Variants in CNTN6 observed in about 807,000 individuals in gnomAD.
The protein encoded by CNTN6 is contactin-6.
Under a neutral mutation model 122.8 loss-of-function variants are expected in CNTN6, and 137 were observed. That is an observed-to-expected ratio of 1.12 (90% confidence interval 0.97 to 1.29). The LOEUF (loss-of-function observed/expected upper bound fraction) is 1.29, where lower values mean the gene tolerates loss of function less well. Among genes scored for constraint, CNTN6 ranks in the 50% most tolerant of loss-of-function variants. The pLI is 0.00. For missense variants in CNTN6, 1,634 were observed against 1,223.4 expected (o/e 1.34, Z -5.01); for synonymous variants, 570 against 426.0 (o/e 1.34, Z -4.16).
At chr3:1,304,220 C>T (rs1697938475) in intron 7 of CNTN6, among the ~76,000 whole-genome samples, 1 of 152,138 alleles carries the variant, frequency 6.6e-6, no homozygotes, top group South Asian at 2.1e-4. Context: ...AACCTTACTT[C>T]ATTTATTTCC....
chr3:1,364,333 C>G (rs962236103), intron 12 of CNTN6, among the ~76,000 whole-genome samples: 1 of 151,818 alleles, frequency 6.6e-6, no homozygotes, highest in Non-Finnish European at 1.5e-5. Context: ...GCAACATTTT[C>G]TATAATGTCA....
At chr3:1,234,082 C>T (rs1291636805) in intron 4 of CNTN6, among the ~76,000 whole-genome samples, 1 of 152,164 alleles carries the variant, frequency 6.6e-6, no homozygotes, top group Admixed American at 6.6e-5. Context: ...GTAAGCTATT[C>T]TTAACCATGT....
intron 7 of CNTN6, among the ~76,000 whole-genome samples, chr3:1,318,076 GA>G (rs1458759848): frequency 1.4e-5 from 2 of 146,214 alleles, no homozygotes; most frequent in South Asian, 2.2e-4. Context: ...TGAGAAAGAA[GA>G]AAAAAAGGAA....
chr3:1,184,070 AG>A (rs1352024971), intron 2 of CNTN6, among the ~76,000 whole-genome samples: 1 of 152,206 alleles, frequency 6.6e-6, no homozygotes, highest in Non-Finnish European at 1.5e-5. Context: ...AGTAGGTAGT[AG>A]AGATACTCTC....
At chr3:1,255,363 A>G (rs1185281438) in intron 4 of CNTN6, among the ~76,000 whole-genome samples, 1 of 151,822 alleles carries the variant, frequency 6.6e-6, no homozygotes, top group Non-Finnish European at 1.5e-5. Context: ...AGACGGAAAC[A>G]CCACGTTTAA....
chr3:1,270,667 G>A (rs2095009557), intron 4 of CNTN6, among the ~76,000 whole-genome samples: 1 of 152,160 alleles, frequency 6.6e-6, no homozygotes, highest in South Asian at 2.1e-4. Context: ...TTCTCAAAGG[G>A]GGGAAATAGT....
At chr3:1,373,829 C>G in intron 15 of CNTN6, 67 bp downstream of exon 15, 1 of 1,472,544 alleles carries the variant, frequency 6.8e-7, no homozygotes, top group East Asian at 2.5e-5. Context: ...TTAATAAATG[C>G]AATTACATTT....
chr3:1,387,597 C>T (rs528180493), intron 20 of CNTN6, among the ~76,000 whole-genome samples: 15 of 152,134 alleles, frequency 9.9e-5, no homozygotes, highest in African/African-American at 1.9e-4. Context: ...GGAACAGCTC[C>T]GGTCTACAGC....
At chr3:1,252,716 G>A (rs531312777) in intron 4 of CNTN6, among the ~76,000 whole-genome samples, 2 of 152,210 alleles carry the variant, frequency 1.3e-5, no homozygotes, top group Admixed American at 1.3e-4. Flanking sequence ...TTTTACTGCA[G>A]AGAAATAAGC....
chr3:1,393,546 T>G (rs1034265606), intron 20 of CNTN6, among the ~76,000 whole-genome samples: 20 of 109,772 alleles, frequency 1.8e-4, no homozygotes, highest in African/African-American at 5.7e-4. Flanking sequence ...ACCCTAAAAC[T>G]TAAAGAAGTA....
chr3:1,369,954 A>C (rs560432690), intron 12 of CNTN6, among the ~76,000 whole-genome samples: 3 of 152,010 alleles, frequency 2.0e-5, no homozygotes, highest in African/African-American at 7.2e-5. Context: ...CAATTAAATT[A>C]CAAAACAATA....
intron 5 of CNTN6, among the ~76,000 whole-genome samples, chr3:1,279,898 A>G (rs1301970133): frequency 6.6e-6 from 1 of 152,228 alleles, no homozygotes; most frequent in Non-Finnish European, 1.5e-5. Context: ...ATGGCATTAT[A>G]TTCACCTGAT....
intron 2 of CNTN6, among the ~76,000 whole-genome samples, chr3:1,182,957 G>C (rs1324726766): frequency 1.3e-5 from 2 of 152,074 alleles, no homozygotes; most frequent in Admixed American, 6.6e-5. Context: ...AAAATGTATT[G>C]TCTCAAGTGA....
chr3:1,245,756 C>T (rs908199124), intron 4 of CNTN6, among the ~76,000 whole-genome samples: 1 of 151,638 alleles, frequency 6.6e-6, no homozygotes, highest in African/African-American at 2.4e-5. Context: ...AACAAATAAA[C>T]AGCAAATACA....
chr3:1,400,439 C>T (rs1369897732), intron 20 of CNTN6, among the ~76,000 whole-genome samples: 4 of 151,970 alleles, frequency 2.6e-5, no homozygotes, highest in Non-Finnish European at 4.4e-5. Context: ...CTTTAGAAGC[C>T]AGATTCTAAA....
chr3:1,173,080 C>G (rs2093388192), intron 2 of CNTN6: 1 of 380,430 alleles, frequency 2.6e-6, no homozygotes, highest in Admixed American at 3.2e-5. Flanking sequence ...GCCCATTTAA[C>G]TCACTTGTCT....
intron 4 of CNTN6, among the ~76,000 whole-genome samples, chr3:1,240,490 C>G (rs114061434): frequency 2.0e-5 from 3 of 152,132 alleles, no homozygotes; most frequent in Middle Eastern, 3.4e-3. Context: ...CTCCCTCCTG[C>G]AAGAATTGCC....
At chr3:1,281,336 A>C (rs1342056517) in intron 5 of CNTN6, among the ~76,000 whole-genome samples, 1 of 152,196 alleles carries the variant, frequency 6.6e-6, no homozygotes, top group Non-Finnish European at 1.5e-5. Flanking sequence ...CGGAGTTAAC[A>C]GAGCACTGTA....
Position 1,258,112 on chromosome 3 carries a change from T to C in CNTN6, c.359-20301T>C, listed in dbSNP as rs900002760. Among the ~76,000 whole-genome samples the C allele has an allele frequency of 2.0e-5, 3 of 152,282 alleles. No individual in the cohort carries two copies. In the East Asian group the frequency reaches 5.8e-4, roughly 29 times the overall value. On this transcript the variant is annotated intron_variant, in intron 4 of 22. Transcript: ENST00000446702. ...AAAGCAATATATGTGATTGAGATAT[T>C]GTTAACAACAAAGCCAATTCTGGTC...
Sources: gnomAD v4.1 joint callset for allele counts (sites outside exome capture counted in the v4.1 genomes callset) on GRCh38, gnomAD v4.1.1 for gene constraint, MANE v1.5 for transcripts, NCBI Gene and HGNC (gene_info 2026-07-23, HGNC 2026-07-21) for gene names.